Variants in C16orf89 observed in about 807,000 individuals in gnomAD.
C16orf89 encodes the protein chromosome 16 open reading frame 89, also known as UPF0764 protein C16orf89.
A neutral mutation model predicts 41.5 loss-of-function variants in C16orf89; 57 were observed. That is an observed-to-expected ratio of 1.38 (90% CI 1.11 to 1.71). The LOEUF (loss-of-function observed/expected upper bound fraction) is 1.71, where lower values mean the gene tolerates loss of function less well. Among genes scored for constraint, C16orf89 ranks in the 40% most tolerant of loss-of-function variants. The pLI is 0.00. For missense variants in C16orf89, 575 were observed against 445.9 expected (o/e 1.29, Z -2.61); for synonymous variants, 223 against 190.6 (o/e 1.17, Z -1.40).
Position 5,056,176 on chromosome 16 carries a change from G to T in C16orf89, c.640C>A (p.Gln214Lys). Residue 214 changes from glutamine (Q) to lysine (K), a missense_variant, in exon 5 of 8, where the codon CAG (glutamine) becomes AAG (lysine). Coordinates refer to ENST00000472572, the MANE Select transcript of C16orf89 (RefSeq NM_001098514.3). ...TCCTGGCTCTGTTGGAGTGGTCCCT[G>T]TGTGCACCCCCTCTGGGGAGACAAA... ...FLWARMRGCT[Q>K]GPLQQSQDYI... 1 of 1,589,892 alleles carries T rather than the reference G, an allele frequency of 6.3e-7. No individual in the cohort carries two copies. Among genetic ancestry groups the T allele is most frequent in the South Asian group, 1.1e-5 (1 of 90,524 alleles).
At position 5,060,318 on chromosome 16, in the gene C16orf89, A is replaced by T. The variant is rs759509560; in HGVS notation, c.477T>A (p.Ser159Arg). ...CCAGCAGCTGCACCAGGCACACGTC[A>T]CTTCTCTCCTCTGAGAATGAGTCCT... ...GPQDSFSEER[S>R]DVCLVQLLGT... The change falls in exon 3 of 8, where the codon AGT becomes AGA. Residue 159 changes from serine to arginine, a missense_variant. Coordinates refer to ENST00000472572, the MANE Select transcript of C16orf89 (RefSeq NM_001098514.3). The T allele has an allele frequency of 6.2e-7, 1 of 1,612,418 alleles. No homozygotes were observed. The highest frequency in any genetic ancestry group is 1.1e-5 in the South Asian group (1 of 90,910).
At position 5,058,476 on chromosome 16, in the gene C16orf89, G is replaced by A. The variant is rs1353272692; in HGVS notation, c.627+17C>T. 11 of 1,569,400 alleles carry A rather than the reference G, an allele frequency of 7.0e-6. No individual in the cohort carries two copies. The highest frequency in any genetic ancestry group is 8.7e-6 in the Non-Finnish European group (10 of 1,143,972). On this transcript the variant is annotated intron_variant, in intron 4 of 7. Coordinates refer to ENST00000472572, the MANE Select transcript of C16orf89 (RefSeq NM_001098514.3). Reference sequence around the variant, plus strand: ...TTCCCCTTCCCCTGGCACGGCGGGGGCTCCCTGGGCACTCACCATTCTGGC... The same window carrying A: ...TTCCCCTTCCCCTGGCACGGCGGGGACTCCCTGGGCACTCACCATTCTGGC...
chr16:5,058,606 C>G lies in C16orf89; in HGVS notation c.514G>C (p.Asp172His). 6.2e-7 allele frequency: 1 copy of G among 1,609,874 alleles called. No individual in the cohort carries two copies. The highest frequency in any genetic ancestry group is 8.5e-7 in the Non-Finnish European group (1 of 1,177,956). ...CLVQLLGTGT[D>H]SSEPCGLSDL... Reference sequence around the variant, plus strand: ...GAGAGGCCGCAGGGCTCGCTGCTGTCCGTCCTGGGGGAAAGTGGTTCCAAG... The same window carrying G: ...GAGAGGCCGCAGGGCTCGCTGCTGTGCGTCCTGGGGGAAAGTGGTTCCAAG... The change falls in exon 4 of 8, where the codon GAC becomes CAC. Residue 172 changes from aspartate to histidine, a missense_variant. Physicochemically the swap from Asp to His is moderately conservative, Grantham distance 81 (BLOSUM62 -1). Transcript: ENST00000472572.
At chr16:5,047,366 C>T (rs1307753654) in intron 7 of C16orf89, among the ~76,000 whole-genome samples, 1 of 152,140 alleles carries the variant, frequency 6.6e-6, no homozygotes, top group African/African-American at 2.4e-5. Flanking sequence ...CTGACCAGAC[C>T]TTGACTTAGA....
intron 4 of C16orf89, among the ~76,000 whole-genome samples, chr16:5,057,645 C>T (rs1956538828): frequency 6.6e-6 from 1 of 151,842 alleles, no homozygotes. Flanking sequence ...TCTCCTGCCT[C>T]AGCCTCCCGA....
intron 2 of C16orf89, among the ~76,000 whole-genome samples, chr16:5,061,565 C>G (rs1207245373): frequency 1.4e-5 from 2 of 145,810 alleles, no homozygotes; most frequent in African/African-American, 5.1e-5. Context: ...TATTGGTAGA[C>G]CTTTTGGTTT....
rs1567162140 is a variant in C16orf89 at position 5,065,881 on chromosome 16, G to A, written c.28C>T (p.Leu10Phe). The A allele has an allele frequency of 6.2e-7, 1 of 1,614,034 alleles. No homozygotes were observed. The stretch of plus-strand genomic sequence containing the variant: ...AGCGGTGGCAGTGCTGTCAGTAAGA[G>A]CAGGAGCAGCAGCCCCAGGCTGGCC... MASLGLLLLLLLTALPPLWS... is the reference protein window; with the variant it reads MASLGLLLLFLLTALPPLWS... The change falls in exon 1 of 8, where the codon CTC becomes TTC. Residue 10 changes from leucine (L) to phenylalanine (F), a missense_variant. Physicochemically the swap from Leu to Phe is conservative, Grantham distance 22. Transcript: ENST00000472572.
Position 5,052,181 on chromosome 16 carries a change from T to C in C16orf89, c.868+3065A>G, listed in dbSNP as rs192774813. On this transcript the variant is annotated intron_variant, in intron 6 of 7. Transcript: ENST00000472572. The stretch of plus-strand genomic sequence containing the variant: ...CATAGACATCTCTCAAAAGAAGGCA[T>C]ACAAATGGCCAACAGGTCTATGAAA... Among the ~76,000 whole-genome samples the C allele has an allele frequency of 2.1e-5, 3 of 142,724 alleles. No homozygotes were observed. The East Asian group carries it at 6.2e-4, about 29-fold the overall frequency. The allele number at this position is 142,724 out of a possible 152,430, so 93.6% of individuals were successfully genotyped here.
intron 6 of C16orf89, among the ~76,000 whole-genome samples, chr16:5,053,270 T>C (rs561358461): frequency 6.6e-6 from 1 of 152,072 alleles, no homozygotes; most frequent in Non-Finnish European, 1.5e-5. Flanking sequence ...CTCGGGAGGC[T>C]GAGGCAGGAG....
chr16:5,045,139 C>G (rs1466233251), intron 7 of C16orf89, among the ~76,000 whole-genome samples: 1 of 152,236 alleles, frequency 6.6e-6, no homozygotes, highest in South Asian at 2.1e-4. Flanking sequence ...CAGCTCCTGC[C>G]TGGCTTAGCC....
chr16:5,059,841 G>T (rs1420986298), intron 3 of C16orf89, among the ~76,000 whole-genome samples: 1 of 151,248 alleles, frequency 6.6e-6, no homozygotes, highest in Non-Finnish European at 1.5e-5. Context: ...TCAGAGATAG[G>T]ATGGGGTTGG....
intron 4 of C16orf89, among the ~76,000 whole-genome samples, chr16:5,057,233 T>A (rs1435145775): frequency 4.3e-5 from 6 of 138,038 alleles, no homozygotes; most frequent in Non-Finnish European, 9.2e-5. Flanking sequence ...TGAGACTCCA[T>A]CTCAAAAAAA....
intron 4 of C16orf89, among the ~76,000 whole-genome samples, chr16:5,057,544 T>G (rs369477446): frequency 9.9e-5 from 15 of 151,184 alleles, no homozygotes; most frequent in African/African-American, 2.2e-4. Context: ...TGTATATATA[T>G]AGAGAGCGGC....
At position 5,046,752 on chromosome 16, in the gene C16orf89, C is replaced by A. The variant is rs4785983; in HGVS notation, c.955+1126G>T. On this transcript the variant is annotated intron_variant, in intron 7 of 7. Coordinates refer to ENST00000472572, the MANE Select transcript of C16orf89 (RefSeq NM_001098514.3). ...TCCTTCCCTTTCTTCTACGTTATTT[C>A]TTGACTTTCTTCTACGTTATTTCTT... Among the ~76,000 whole-genome samples, 3,212 of 152,202 alleles carry A rather than the reference C, an allele frequency of 0.021. 147 individuals carry two copies. The East Asian group carries it at 0.22, about 10-fold the overall frequency.
At position 5,065,850 on chromosome 16, in the gene C16orf89, G is replaced by T; in HGVS notation, c.59C>A (p.Ser20Tyr). The change falls in exon 1 of 8, where the codon TCC (serine) becomes TAC (tyrosine). Residue 20 changes from serine to tyrosine, a missense_variant. Ser to Tyr is a moderately radical substitution (Grantham distance 144, BLOSUM62 -2). Coordinates refer to ENST00000472572, the MANE Select transcript of C16orf89 (RefSeq NM_001098514.3). ...LLLTALPPLW[S>Y]SSLPGLDTAE... ...AGTGTCCAGCCCAGGCAGTGAGGAG[G>T]ACCACAGCGGTGGCAGTGCTGTCAG... The T allele has an allele frequency of 6.2e-7, 1 of 1,614,240 alleles. No homozygotes were observed. Among genetic ancestry groups the T allele is most frequent in the South Asian group, 1.1e-5 (1 of 91,084 alleles).
chr16:5,064,780 G>A (rs1470357711), intron 1 of C16orf89, among the ~76,000 whole-genome samples: 1 of 152,204 alleles, frequency 6.6e-6, no homozygotes, highest in Non-Finnish European at 1.5e-5. Context: ...CAGCTGCCAA[G>A]GAGTGGGGAC....
Position 5,056,071 on chromosome 16 carries a change from C to T in C16orf89, c.745G>A (p.Asp249Asn), listed in dbSNP as rs376024213. The change falls in exon 5 of 8, where the codon GAC (aspartate) becomes AAC (asparagine). Residue 249 changes from aspartate to asparagine, a missense_variant. By Grantham distance (23) the Asp-to-Asn change is conservative. Coordinates refer to ENST00000472572, the MANE Select transcript of C16orf89 (RefSeq NM_001098514.3). The part of the protein sequence containing the change: ...EAIGYAYPTR[D>N]IFMENIMFCG... Reference sequence around the variant, plus strand: ...GCCATACTGTTTTCCATGAAGATGTCCCGGGTAGGGTAGGCGTATCCGATG... The same window carrying T: ...GCCATACTGTTTTCCATGAAGATGTTCCGGGTAGGGTAGGCGTATCCGATG... 1.9e-5 allele frequency: 31 copies of T among 1,594,964 alleles called. No individual in the cohort carries two copies. In the African/African-American group the frequency reaches 3.2e-4, roughly 17 times the overall value.
intron 4 of C16orf89, among the ~76,000 whole-genome samples, chr16:5,057,500 C>T (rs1473789559): frequency 6.8e-6 from 1 of 146,264 alleles, no homozygotes; most frequent in South Asian, 2.1e-4. Flanking sequence ...TATATGCCAC[C>T]ATATATATAT....
intron 1 of C16orf89, among the ~76,000 whole-genome samples, 158 bp from the exon 2 acceptor site, chr16:5,062,732 A>G (rs1327948492): frequency 6.6e-6 from 1 of 152,134 alleles, no homozygotes; most frequent in Non-Finnish European, 1.5e-5. Context: ...GCTGACTGGA[A>G]ATGAGGCCAG....
Sources: allele counts gnomAD v4.1 joint callset (sites outside exome capture counted in the v4.1 genomes callset), GRCh38; gene constraint gnomAD v4.1.1; transcripts MANE v1.5; gene names NCBI Gene and HGNC (gene_info 2026-07-23, HGNC 2026-07-21).